SLC9A9: variants seen among roughly 807,000 people sequenced by gnomAD.
The protein encoded by SLC9A9 is solute carrier family 9 member A9.
SLC9A9 carries 62 observed loss-of-function variants against 77.8 expected under a neutral mutation model. The observed-to-expected ratio is 0.80, with a 90% CI of 0.65 to 0.98. The LOEUF (loss-of-function observed/expected upper bound fraction) is 0.98. Among genes scored for constraint, SLC9A9 ranks in the 50% least tolerant of loss-of-function variants. SLC9A9 has a pLI of 0.00. For missense variants in SLC9A9, 775 were observed against 774.9 expected (o/e 1.00, Z 0.00); for synonymous variants, 320 against 283.5 (o/e 1.13, Z -1.29).
intron 2 of SLC9A9, among the ~76,000 whole-genome samples, chr3:143,818,868 G>T (rs1216937326): frequency 6.6e-6 from 1 of 151,998 alleles, no homozygotes; most frequent in African/African-American, 2.4e-5. Flanking sequence ...GATCACCTGA[G>T]GTTGGGAGTT....
At position 143,408,585 on chromosome 3, in the gene SLC9A9, G is replaced by C. The variant is rs189712788; in HGVS notation, c.1470-26471C>G. Among the ~76,000 whole-genome samples, 10 of 152,324 alleles carry C rather than the reference G, an allele frequency of 6.6e-5. No individual in the cohort carries two copies. The East Asian group carries it at 1.9e-3, about 29-fold the overall frequency. ...ACCGCCTCGAGCAGGGTGTCTTTCA[G>C]ATACCTGAACCTTTTCTAAGCTATG... is the stretch of plus-strand genomic sequence containing the variant. On this transcript the variant is annotated intron_variant, in intron 12 of 15. Coordinates refer to ENST00000316549, the MANE Select transcript of SLC9A9 (RefSeq NM_173653.4).
At chr3:143,318,492 T>C (rs1416359306) in intron 14 of SLC9A9, among the ~76,000 whole-genome samples, 4 of 152,236 alleles carry the variant, frequency 2.6e-5, no homozygotes, top group Admixed American at 2.0e-4. Flanking sequence ...CAACACATCA[T>C]GTAGTTAAGC....
Position 143,265,633 on chromosome 3 carries a change from G to T in SLC9A9, c.*1069C>A, listed in dbSNP as rs187612386. 28 of 373,870 alleles carry T rather than the reference G, an allele frequency of 7.5e-5. No individual in the cohort carries two copies. The East Asian group carries it at 9.8e-4, about 13-fold the overall frequency. 23.2% of individuals were successfully genotyped at this position (373,870 alleles called of 1,614,324 possible). ...TGGCTTAAAAGGCACAGGTCATGCA[G>T]CTGAATTAAAAGCTATCATGTTGGT... On this transcript the variant is annotated 3_prime_UTR_variant, in exon 16 of 16. Transcript: ENST00000316549.
At chr3:143,841,100 G>A (rs1047038481) in intron 1 of SLC9A9, among the ~76,000 whole-genome samples, 6 of 152,170 alleles carry the variant, frequency 3.9e-5, no homozygotes, top group Non-Finnish European at 5.9e-5. Flanking sequence ...TAGTCCTGAA[G>A]TTGAGTACAG....
chr3:143,724,720 C>T (rs1487861522), intron 4 of SLC9A9, among the ~76,000 whole-genome samples: 5 of 152,324 alleles, frequency 3.3e-5, no homozygotes. Context: ...TGAGAAGAGT[C>T]TAATGTGTTA....
chr3:143,482,643 A>G (rs769206565), intron 11 of SLC9A9, among the ~76,000 whole-genome samples: 3 of 152,192 alleles, frequency 2.0e-5, no homozygotes, highest in Non-Finnish European at 4.4e-5. Context: ...GAAGGCTGCC[A>G]GGGCTAAGTT....
chr3:143,816,423 G>A (rs6792031), intron 2 of SLC9A9, among the ~76,000 whole-genome samples: 3 of 152,242 alleles, frequency 2.0e-5, no homozygotes, highest in African/African-American at 7.2e-5. Flanking sequence ...CCTAAATACC[G>A]TTTTACGTTT....
intron 14 of SLC9A9, among the ~76,000 whole-genome samples, chr3:143,350,317 G>A (rs576397667): frequency 2.6e-5 from 4 of 152,212 alleles, no homozygotes; most frequent in South Asian, 2.1e-4. Flanking sequence ...TGAGGCCCCC[G>A]TGACTTCTCC....
chr3:143,672,564 G>T (rs1301273249), intron 5 of SLC9A9, among the ~76,000 whole-genome samples: 4 of 152,104 alleles, frequency 2.6e-5, no homozygotes, highest in Non-Finnish European at 4.4e-5. Flanking sequence ...AAAAATATGA[G>T]AGACAGCCCA....
intron 5 of SLC9A9, among the ~76,000 whole-genome samples, chr3:143,689,061 T>A (rs1462389854): frequency 6.6e-6 from 1 of 152,082 alleles, no homozygotes; most frequent in Non-Finnish European, 1.5e-5. Context: ...TAGGGATATA[T>A]AAATCCTCAC....
At chr3:143,516,445 A>G (rs2036204265) in intron 9 of SLC9A9, among the ~76,000 whole-genome samples, 1 of 152,104 alleles carries the variant, frequency 6.6e-6, no homozygotes, top group African/African-American at 2.4e-5. Context: ...TTAACTCGTT[A>G]AATTTAAGTC....
chr3:143,317,181 A>G (rs1430433684), intron 14 of SLC9A9, among the ~76,000 whole-genome samples: 1 of 152,210 alleles, frequency 6.6e-6, no homozygotes. Context: ...AAAAACACTA[A>G]TTATCTGGCT....
intron 4 of SLC9A9, among the ~76,000 whole-genome samples, chr3:143,741,150 C>A (rs1349616695): frequency 1.3e-5 from 2 of 152,172 alleles, no homozygotes; most frequent in Non-Finnish European, 2.9e-5. Context: ...GGTTTCTAAT[C>A]TCATTCTCCA....
rs368035020 is a variant in SLC9A9 at position 143,768,531 on chromosome 3, A to G, written c.533+26470T>C. Among the ~76,000 whole-genome samples the G allele has an allele frequency of 8.5e-5, 13 of 152,344 alleles. No homozygotes were observed. In the East Asian group the frequency reaches 9.7e-4, roughly 11 times the overall value. ...ATTGGAACTACAGGGGATATATCTC[A>G]TATAACATAGGAGGAACCTGTTTAA... On this transcript the variant is annotated intron_variant, in intron 4 of 15. Transcript: ENST00000316549.
At chr3:143,758,899 A>G (rs2007020529) in intron 4 of SLC9A9, among the ~76,000 whole-genome samples, 2 of 152,090 alleles carry the variant, frequency 1.3e-5, no homozygotes, top group Admixed American at 1.3e-4. Flanking sequence ...TCAGAAATTG[A>G]CTCAAGGTAA....
chr3:143,314,240 C>G (rs1475677856), intron 14 of SLC9A9: 1 of 152,172 alleles, frequency 6.6e-6, no homozygotes, highest in Non-Finnish European at 1.5e-5. Flanking sequence ...ACATTAATAC[C>G]TTATGTGGAT....
intron 4 of SLC9A9, among the ~76,000 whole-genome samples, chr3:143,781,160 C>T (rs1165683083): frequency 2.0e-5 from 3 of 152,132 alleles, no homozygotes; most frequent in African/African-American, 7.2e-5. Flanking sequence ...CATTAGGGTT[C>T]ACTATTTGCA....
At chr3:143,321,424 C>G (rs1454546043) in intron 14 of SLC9A9, among the ~76,000 whole-genome samples, 1 of 152,198 alleles carries the variant, frequency 6.6e-6, no homozygotes, top group Non-Finnish European at 1.5e-5. Context: ...CCTTGCTGGT[C>G]TGTCTGGTCT....
intron 14 of SLC9A9, among the ~76,000 whole-genome samples, chr3:143,320,149 G>A (rs950634466): frequency 2.6e-5 from 4 of 152,140 alleles, no homozygotes; most frequent in African/African-American, 9.7e-5. Flanking sequence ...TTGATAGGCT[G>A]CCACTCTCTA....
Sources: allele counts gnomAD v4.1 joint callset (sites outside exome capture counted in the v4.1 genomes callset), GRCh38; gene constraint gnomAD v4.1.1; transcripts MANE v1.5; gene names NCBI Gene and HGNC (gene_info 2026-07-23, HGNC 2026-07-21).